The following ATP8A1 variants were observed in gnomAD, a reference collection of about 807,000 sequenced individuals.
ATP8A1 encodes the protein ATPase phospholipid transporting 8A1, also known as phospholipid-transporting ATPase IA.
In ATP8A1, 90 loss-of-function variants were observed where a neutral mutation model predicts 177.7. That is an observed-to-expected ratio of 0.51 (90% CI 0.43 to 0.60). The LOEUF (loss-of-function observed/expected upper bound fraction) is 0.60. ATP8A1 is among the 20% of genes least tolerant of loss of function. The pLI is 0.00. For missense variants in ATP8A1, 1,072 were observed against 1,392.8 expected (o/e 0.77, Z 3.67); for synonymous variants, 493 against 485.9 (o/e 1.01, Z -0.19).
At chr4:42,572,649 C>T (rs566687688) in intron 14 of ATP8A1, among the ~76,000 whole-genome samples, 9 of 152,290 alleles carry the variant, frequency 5.9e-5, no homozygotes, top group Non-Finnish European at 5.9e-5. Flanking sequence ...CTTCTGGTAT[C>T]CTTGAAAATA....
chr4:42,490,273 T>C (rs1378971224), intron 24 of ATP8A1, among the ~76,000 whole-genome samples: 1 of 152,174 alleles, frequency 6.6e-6, no homozygotes, highest in Non-Finnish European at 1.5e-5. Context: ...AAATTCACCA[T>C]TTAGGCCACA....
chr4:42,602,530 G>A (rs1186456390), intron 5 of ATP8A1, among the ~76,000 whole-genome samples: 3 of 152,148 alleles, frequency 2.0e-5, no homozygotes, highest in Non-Finnish European at 4.4e-5. Flanking sequence ...TTGGGAGGCC[G>A]AGGTGAGCGG....
intron 25 of ATP8A1, among the ~76,000 whole-genome samples, chr4:42,483,998 T>TAGG (rs1721953034): frequency 6.6e-6 from 1 of 152,244 alleles, no homozygotes; most frequent in East Asian, 1.9e-4. Flanking sequence ...TGTTTCCAAC[T>TAGG]AGGAGCCAGC....
At chr4:42,611,112 A>G (rs1736323560) in intron 5 of ATP8A1, among the ~76,000 whole-genome samples, 1 of 152,144 alleles carries the variant, frequency 6.6e-6, no homozygotes, top group Non-Finnish European at 1.5e-5. Flanking sequence ...CTTTTTCACA[A>G]AGGACTTTAA....
intron 9 of ATP8A1, among the ~76,000 whole-genome samples, chr4:42,584,356 C>T (rs541424014): frequency 2.0e-5 from 3 of 152,296 alleles, no homozygotes; most frequent in African/African-American, 7.2e-5. Context: ...CTCTTTGCAA[C>T]AAAACTCTTT....
chr4:42,502,844 CCTTTA>C (rs1350808960), intron 24 of ATP8A1, among the ~76,000 whole-genome samples: 7 of 152,158 alleles, frequency 4.6e-5, no homozygotes, highest in East Asian at 1.9e-4. Context: ...CAAATAGTCT[CCTTTA>C]CTTTAATATT....
rs1253523375 is a variant in ATP8A1 at position 42,446,745 on chromosome 4, G to A, written c.2897-101C>T. The A allele has an allele frequency of 6.3e-6, 6 of 958,736 alleles. No individual in the cohort carries two copies. In the African/African-American group the frequency reaches 6.7e-5, roughly 11 times the overall value. The allele number at this position is 958,736 out of a possible 1,614,324, so 59.4% of individuals were successfully genotyped here. On this transcript the variant is annotated intron_variant, in intron 30 of 36. Transcript: ENST00000381668. ...TTGAACGAAGGAAGGGAAATCAAGG[G>A]ATACACAATGGAGCCAGAAATGAGA...
intron 5 of ATP8A1, among the ~76,000 whole-genome samples, chr4:42,612,616 G>A (rs1463626953): frequency 1.3e-5 from 2 of 151,552 alleles, no homozygotes; most frequent in Non-Finnish European, 2.9e-5. Context: ...TCAGGTCACT[G>A]AATCATCAAC....
At chr4:42,463,644 T>C (rs1489380917) in intron 27 of ATP8A1, among the ~76,000 whole-genome samples, 2 of 152,192 alleles carry the variant, frequency 1.3e-5, no homozygotes, top group Admixed American at 1.3e-4. Context: ...TGCTACAAAA[T>C]TGTTTACAGA....
At chr4:42,602,978 G>GTTTT (rs1735448197) in intron 5 of ATP8A1, among the ~76,000 whole-genome samples, 3 of 151,950 alleles carry the variant, frequency 2.0e-5, no homozygotes, top group African/African-American at 7.2e-5. Context: ...CTGGTCAATA[G>GTTTT]TGTCTAGAGC....
intron 4 of ATP8A1, among the ~76,000 whole-genome samples, chr4:42,621,667 C>T (rs1051289648): frequency 1.3e-5 from 2 of 152,184 alleles, no homozygotes; most frequent in East Asian, 3.8e-4. Context: ...AGATTCAATG[C>T]TATTCCCATT....
At chr4:42,608,645 A>G (rs973915024) in intron 5 of ATP8A1, among the ~76,000 whole-genome samples, 3 of 152,208 alleles carry the variant, frequency 2.0e-5, no homozygotes, top group Non-Finnish European at 2.9e-5. Flanking sequence ...GGCGTCAGCC[A>G]CCGCACCCAG....
intron 15 of ATP8A1, among the ~76,000 whole-genome samples, chr4:42,560,818 T>C (rs977981690): frequency 1.3e-5 from 2 of 152,142 alleles, no homozygotes; most frequent in Non-Finnish European, 2.9e-5. Flanking sequence ...CAGATCTAAA[T>C]ATTAGATTGG....
chr4:42,442,126 T>C (rs1716705570), intron 33 of ATP8A1, among the ~76,000 whole-genome samples: 1 of 152,210 alleles, frequency 6.6e-6, no homozygotes, highest in African/African-American at 2.4e-5. Context: ...GTTCTTGTCA[T>C]CAAACCTATT....
At chr4:42,555,842 C>A (rs73235601) in intron 16 of ATP8A1, 126 bp downstream of exon 16, 87,876 of 574,182 alleles carry the variant, frequency 0.15, 7,797 homozygotes, top group South Asian at 0.24. Context: ...AACTAACTAA[C>A]TAAATAAATA....
chr4:42,654,615 C>A (rs931041067), intron 1 of ATP8A1, among the ~76,000 whole-genome samples: 1 of 152,190 alleles, frequency 6.6e-6, no homozygotes, highest in African/African-American at 2.4e-5. Context: ...GCCACCCATT[C>A]TCTCCCATAC....
At chr4:42,432,658 C>T (rs557448526) in intron 33 of ATP8A1, among the ~76,000 whole-genome samples, 1 of 152,234 alleles carries the variant, frequency 6.6e-6, no homozygotes, top group South Asian at 2.1e-4. Flanking sequence ...GGTGAATTTG[C>T]CACCTTGTAC....
chr4:42,443,926 C>T (rs1297924679), intron 32 of ATP8A1, among the ~76,000 whole-genome samples: 1 of 152,120 alleles, frequency 6.6e-6, no homozygotes, highest in African/African-American at 2.4e-5. Flanking sequence ...GTTTTCTCCT[C>T]TTACGCTTAC....
rs571777875 is a variant in ATP8A1 at position 42,505,243 on chromosome 4, T to C, written c.2087-1729A>G. Among the ~76,000 whole-genome samples, 28 of 152,296 alleles carry C rather than the reference T, an allele frequency of 1.8e-4. No homozygotes were observed. In the South Asian group the frequency reaches 5.4e-3, roughly 29 times the overall value. On this transcript the variant is annotated intron_variant, in intron 23 of 36. Transcript: ENST00000381668. ...GTACCTGGCACTGTATATACCACAA[T>C]TATGCTGAATGGGTGAATCTTCCCT... is the stretch of plus-strand genomic sequence containing the variant.
Sources: allele counts gnomAD v4.1 joint callset (sites outside exome capture counted in the v4.1 genomes callset), GRCh38; gene constraint gnomAD v4.1.1; transcripts MANE v1.5; gene names NCBI Gene and HGNC (gene_info 2026-07-23, HGNC 2026-07-21).